Variants in RASL12 observed in about 807,000 individuals in gnomAD.
RASL12 encodes the protein ras-like protein family member 12.
In RASL12, 16 loss-of-function variants were observed where a neutral mutation model predicts 22.9. The observed-to-expected ratio is 0.70, with a 90% confidence interval of 0.47 to 1.06. The LOEUF is 1.06. Among genes scored for constraint, RASL12 ranks in the 50% least tolerant of loss-of-function variants. RASL12 has a pLI of 0.00. For missense variants in RASL12, 306 were observed against 353.1 expected, an observed-to-expected ratio of 0.87 and a Z score of 1.07; for synonymous variants, 159 against 152.2, an observed-to-expected ratio of 1.04 and a Z score of -0.33.
chr15:65,059,450 C>T (rs2086776147), intron 2 of RASL12, 32 bp from the exon 3 acceptor site: 1 of 1,570,070 alleles, frequency 6.4e-7, no homozygotes, highest in Non-Finnish European at 8.8e-7. Flanking sequence ...AGGTCAGACA[C>T]AGTGCCTTGG....
At chr15:65,046,019 G>C in the RASL12 span, among the ~76,000 whole-genome samples, 12 of 152,224 alleles carry the variant, frequency 7.9e-5, no homozygotes, top group Admixed American at 2.0e-4. Flanking sequence ...TACAAAATTG[G>C]CCGGGTGCGG....
chr15:65,075,260 G>A (rs1052525690), intron 1 of RASL12, among the ~76,000 whole-genome samples: 4 of 152,214 alleles, frequency 2.6e-5, no homozygotes, highest in African/African-American at 9.6e-5. Context: ...CTGCCTTCCC[G>A]CAGGGCAGGG....
At chr15:65,056,034 T>C (rs948508437) in intron 4 of RASL12, among the ~76,000 whole-genome samples, 1 of 151,896 alleles carries the variant, frequency 6.6e-6, no homozygotes, top group Non-Finnish European at 1.5e-5. Flanking sequence ...CTTGGGAAGG[T>C]CCTGGAGGCT....
chr15:65,073,238 G>A (rs577585410), intron 1 of RASL12, among the ~76,000 whole-genome samples: 43 of 152,196 alleles, frequency 2.8e-4, no homozygotes, highest in African/African-American at 4.3e-4. Context: ...TTATTCAAGC[G>A]TATTACATTT....
Position 65,054,265 on chromosome 15 carries a change from T to A in RASL12, c.*634A>T, listed in dbSNP as rs892604555. The A allele has an allele frequency of 1.0e-5, 10 of 986,012 alleles. No individual in the cohort carries two copies. Among genetic ancestry groups the A allele is most frequent in the Non-Finnish European group, 1.1e-5 (9 of 830,126 alleles). The allele number at this position is 986,012 out of a possible 1,614,324, so 61.1% of individuals were successfully genotyped here. ...TGCTGGACAACCTACAGTCCCTCCC[T>A]TTTATCCTCATTGAGACGCCAAGTG... is the stretch of plus-strand genomic sequence containing the variant. On this transcript the variant is annotated 3_prime_UTR_variant, in exon 5 of 5. Transcript: ENST00000220062.
chr15:65,054,452 T>A lies in RASL12; in HGVS notation c.*447A>T, dbSNP rs772065945. 51 of 992,518 alleles carry A rather than the reference T, an allele frequency of 5.1e-5. No homozygotes were observed. The highest frequency in any genetic ancestry group is 5.9e-5 in the Non-Finnish European group (49 of 834,694). 61.5% of individuals were successfully genotyped at this position (992,518 alleles called of 1,614,324 possible). A position where few individuals can be genotyped will look rare whatever the true frequency, so the allele number is the denominator to read the frequency against. On this transcript the variant is annotated 3_prime_UTR_variant, in exon 5 of 5. Transcript: ENST00000220062. The stretch of plus-strand genomic sequence containing the variant: ...AACTGCAGCCGCCCTGCCTTTCCCG[T>A]CCACCAGGTGGCACAAGGACCCCAG...
intron 2 of RASL12, among the ~76,000 whole-genome samples, chr15:65,062,228 G>A (rs996287476): frequency 1.3e-5 from 2 of 152,146 alleles, no homozygotes; most frequent in Non-Finnish European, 2.9e-5. Context: ...ACTCCTGCGG[G>A]TCTCAGCACA....
chr15:65,066,969 T>C (rs973755411), intron 1 of RASL12, among the ~76,000 whole-genome samples: 1 of 152,206 alleles, frequency 6.6e-6, no homozygotes, highest in Admixed American at 6.5e-5. Context: ...ATTATCTCAA[T>C]GGAAGCCCAA....
chr15:65,064,177 TG>T (rs2086848556), intron 2 of RASL12, among the ~76,000 whole-genome samples: 1 of 152,254 alleles, frequency 6.6e-6, no homozygotes, highest in African/African-American at 2.4e-5. Context: ...CTATTGTGTA[TG>T]GGAATCCATT....
exon 1 of RASL12, chr15:65,076,641 C>T (rs1318391431): frequency 5.6e-6 from 4 of 710,630 alleles, no homozygotes; most frequent in South Asian, 4.6e-5. Context: ...TCCAGATGCC[C>T]TCCGGGCCTG....
intron 2 of RASL12, among the ~76,000 whole-genome samples, chr15:65,062,383 C>T (rs2086819430): frequency 6.6e-6 from 1 of 152,192 alleles, no homozygotes; most frequent in African/African-American, 2.4e-5. Context: ...CTCAGAGGGC[C>T]CCATGCCACA....
exon 1 of RASL12, chr15:65,076,574 C>A (rs1235146791): frequency 2.8e-6 from 2 of 702,686 alleles, no homozygotes; most frequent in Non-Finnish European, 5.2e-6. Flanking sequence ...CAAGAACCCA[C>A]CAATTCTGGA....
chr15:65,067,767 C>G lies in RASL12; in HGVS notation c.69G>C (p.Leu23=). Reference sequence around the variant, plus strand: ...CAGCCCCGCGGCGCCCCAGGATGGCCAGGTTGACCTCGAGGGGCGCGCTCT... The same window carrying G: ...CAGCCCCGCGGCGCCCCAGGATGGCGAGGTTGACCTCGAGGGGCGCGCTCT... ...GPQSAPLEVN[L]AILGRRGAGK... The change falls in exon 1 of 5, where the codon CTG becomes CTC. Residue 23 remains leucine, a synonymous_variant. Coordinates refer to ENST00000220062, the MANE Select transcript of RASL12 (RefSeq NM_016563.4). 1 of 1,581,162 alleles carries G rather than the reference C, an allele frequency of 6.3e-7. No individual in the cohort carries two copies. The highest frequency in any genetic ancestry group is 1.1e-5 in the South Asian group (1 of 87,434).
chr15:65,070,373 T>A (rs1270157160), upstream of RASL12, among the ~76,000 whole-genome samples: 1 of 152,246 alleles, frequency 6.6e-6, no homozygotes, highest in Non-Finnish European at 1.5e-5. Flanking sequence ...TTCTGTCTAC[T>A]CCTCTGGATA....
At chr15:65,046,738 C>T in the RASL12 span, among the ~76,000 whole-genome samples, 17 of 152,118 alleles carry the variant, frequency 1.1e-4, no homozygotes, top group African/African-American at 3.9e-4. Flanking sequence ...GATGATGAAA[C>T]CCCATCGCTA....
In RASL12 at chr15:65,075,549, C is replaced by T. The variant is rs564425927; in HGVS notation, c.70+980G>A. Among the ~76,000 whole-genome samples, 515 of 152,162 alleles carry T rather than the reference C, an allele frequency of 3.4e-3. 4 individuals carry two copies. Among genetic ancestry groups the T allele is most frequent in the Middle Eastern group, 0.01 (3 of 294 alleles). Reference sequence around the variant, plus strand: ...GCTCAGGGATTGTGAATACACCAATCGGCACTCTGTATCTAGCTCAAGGTT... The same window carrying T: ...GCTCAGGGATTGTGAATACACCAATTGGCACTCTGTATCTAGCTCAAGGTT... On this transcript the variant is annotated intron_variant, in intron 1 of 4. Coordinates refer to the RASL12 transcript ENST00000434605.
At chr15:65,070,900 G>C (rs759386595), upstream of RASL12, among the ~76,000 whole-genome samples, 57 of 152,194 alleles carry the variant, frequency 3.7e-4, no homozygotes, top group Non-Finnish European at 7.5e-4. Flanking sequence ...AGCCTGAAGA[G>C]TTTGGGTAGC....
upstream of RASL12, among the ~76,000 whole-genome samples, chr15:65,069,170 C>G (rs1029805388): frequency 3.3e-5 from 5 of 152,186 alleles, no homozygotes; most frequent in African/African-American, 1.2e-4. Context: ...GTAATAACGA[C>G]TCTTCAAAGA....
chr15:65,069,975 CCA>C (rs889864833), upstream of RASL12, among the ~76,000 whole-genome samples: 7 of 152,174 alleles, frequency 4.6e-5, no homozygotes, highest in Non-Finnish European at 1.0e-4. Flanking sequence ...TTCTCCATCC[CCA>C]GTTTCCTCAC....
Sources: allele counts gnomAD v4.1 joint callset (sites outside exome capture counted in the v4.1 genomes callset), GRCh38; gene constraint gnomAD v4.1.1; transcripts MANE v1.5; gene names NCBI Gene and HGNC (gene_info 2026-07-23, HGNC 2026-07-21).